MARCHF1: variants seen among roughly 807,000 people sequenced by gnomAD.
MARCHF1 encodes membrane associated ring-CH-type finger 1.
A neutral mutation model predicts 54.2 loss-of-function variants in MARCHF1; 40 were observed. The ratio of observed to expected loss-of-function variants is 0.74; its 90% CI spans 0.57 to 0.96. The LOEUF is 0.96. Among genes scored for constraint, MARCHF1 ranks in the 40% least tolerant of loss-of-function variants. MARCHF1 has a pLI of 0.00. For synonymous variants in MARCHF1, 236 were observed against 236.3 expected, an observed-to-expected ratio of 1.00 and a Z score of 0.01; for missense variants, 586 against 656.5, an observed-to-expected ratio of 0.89 and a Z score of 1.17.
intron 1 of MARCHF1, among the ~76,000 whole-genome samples, chr4:164,151,858 T>TTTA (rs1349468890): frequency 6.6e-6 from 1 of 152,182 alleles, no homozygotes; most frequent in East Asian, 1.9e-4. Flanking sequence ...ACTTCATGTG[T>TTTA]TTATAGAACT....
chr4:164,290,665 GAATA>G (rs1462607039), intron 1 of MARCHF1, among the ~76,000 whole-genome samples: 1 of 151,844 alleles, frequency 6.6e-6, no homozygotes, highest in Non-Finnish European at 1.5e-5. Flanking sequence ...TAAAATAAAT[GAATA>G]TTTAATTCAT....
intron 2 of MARCHF1, among the ~76,000 whole-genome samples, chr4:164,010,083 T>TTTTA (rs1753385530): frequency 6.7e-6 from 1 of 148,756 alleles, no homozygotes; most frequent in Non-Finnish European, 1.5e-5. Flanking sequence ...TTTTTTTTTT[T>TTTTA]TTAGGCGGAG....
At chr4:163,966,440 T>C (rs1463247566) in intron 3 of MARCHF1, among the ~76,000 whole-genome samples, 1 of 152,044 alleles carries the variant, frequency 6.6e-6, no homozygotes, top group Non-Finnish European at 1.5e-5. Flanking sequence ...CTAACATCAG[T>C]AAACATATAA....
chr4:164,045,263 T>C (rs1163596463), intron 2 of MARCHF1, among the ~76,000 whole-genome samples: 1 of 152,040 alleles, frequency 6.6e-6, no homozygotes, highest in African/African-American at 2.4e-5. Context: ...TGTAATACTT[T>C]CACTTTGGTA....
chr4:163,994,581 T>A (rs1183803827), intron 2 of MARCHF1, among the ~76,000 whole-genome samples: 1 of 151,576 alleles, frequency 6.6e-6, no homozygotes, highest in Non-Finnish European at 1.5e-5. Flanking sequence ...ATAATAACAT[T>A]TAAAAAAAAG....
intron 8 of MARCHF1, among the ~76,000 whole-genome samples, chr4:163,552,036 C>T (rs1223255690): frequency 6.6e-6 from 1 of 152,112 alleles, no homozygotes; most frequent in African/African-American, 2.4e-5. Flanking sequence ...ATATAATAGC[C>T]ATAAATGCTC....
chr4:164,235,886 A>G (rs1259639124), intron 1 of MARCHF1, among the ~76,000 whole-genome samples: 1 of 152,136 alleles, frequency 6.6e-6, no homozygotes, highest in Non-Finnish European at 1.5e-5. Context: ...CTTAAAAGCT[A>G]TTGAAATAAA....
Position 163,585,613 on chromosome 4 carries a change from T to C in MARCHF1, c.1191+136A>G, listed in dbSNP as rs939322100. 7 of 582,258 alleles carry C rather than the reference T, an allele frequency of 1.2e-5. No homozygotes were observed. The Admixed American group carries it at 2.3e-4, about 19-fold the overall frequency. The allele number at this position is 582,258 out of a possible 1,614,324, so 36.1% of individuals were successfully genotyped here. ...AAACACTTAGATAAATTTTGTGCAC[T>C]GAGCTCAACACAAGACACATACCCT... On this transcript the variant is annotated intron_variant, in intron 8 of 9. Coordinates refer to ENST00000514618, the MANE Select transcript of MARCHF1 (RefSeq NM_001394959.1).
intron 2 of MARCHF1, among the ~76,000 whole-genome samples, chr4:164,009,603 T>A (rs1337652697): frequency 6.6e-6 from 1 of 152,186 alleles, no homozygotes; most frequent in East Asian, 1.9e-4. Context: ...CATGATCAAG[T>A]GGGATTCATC....
intron 3 of MARCHF1, among the ~76,000 whole-genome samples, chr4:163,857,705 A>G (rs1386891008): frequency 1.3e-5 from 2 of 152,220 alleles, no homozygotes; most frequent in Non-Finnish European, 2.9e-5. Context: ...ACAAATTAAT[A>G]TTAGGAAAAA....
chr4:164,185,667 T>C (rs1011038471), intron 1 of MARCHF1, among the ~76,000 whole-genome samples: 1 of 152,078 alleles, frequency 6.6e-6, no homozygotes, highest in Non-Finnish European at 1.5e-5. Flanking sequence ...AGTTTGAAAG[T>C]AGACTTTTTT....
Position 164,140,720 on chromosome 4 carries a change from G to A in MARCHF1, c.-322-29058C>T, listed in dbSNP as rs900560629. ...TCTGTGCAGCAAGCAGCAGGACCTT[G>A]ATGGAACCCCCAGTGTTTTGGTAAC... On this transcript the variant is annotated intron_variant, in intron 1 of 9. Coordinates refer to ENST00000514618, the MANE Select transcript of MARCHF1 (RefSeq NM_001394959.1). 3.3e-5 allele frequency among the ~76,000 whole-genome samples: 5 copies of A among 151,600 alleles called. 1 individual carries two copies. In the East Asian group the frequency reaches 7.8e-4, roughly 24 times the overall value.
intron 5 of MARCHF1, among the ~76,000 whole-genome samples, chr4:163,618,678 AT>A (rs1235494433): frequency 2.6e-5 from 4 of 152,148 alleles, no homozygotes; most frequent in Non-Finnish European, 5.9e-5. Context: ...AATAAAATGA[AT>A]CCTAGCTTGT....
Position 163,801,772 on chromosome 4 carries a change from A to C in MARCHF1, c.111+52249T>G, listed in dbSNP as rs577096564. ...TAAAATTTCATACAAATAGAATAAC[A>C]ATAAACACACTTTGTGTATCTGGCT... On this transcript the variant is annotated intron_variant, in intron 4 of 9. Coordinates refer to ENST00000514618, the MANE Select transcript of MARCHF1 (RefSeq NM_001394959.1). 2.0e-5 allele frequency among the ~76,000 whole-genome samples: 3 copies of C among 152,230 alleles called. No individual in the cohort carries two copies. In the East Asian group the frequency reaches 5.8e-4, roughly 29 times the overall value.
intron 1 of MARCHF1, among the ~76,000 whole-genome samples, chr4:164,185,654 G>C (rs1730948453): frequency 6.6e-6 from 1 of 152,088 alleles, no homozygotes; most frequent in African/African-American, 2.4e-5. Flanking sequence ...ACAAACTCTG[G>C]AGAGTTTGAA....
chr4:163,700,858 T>G lies in MARCHF1; in HGVS notation c.117A>C (p.Glu39Asp), dbSNP rs1314954930. Residue 39 changes from glutamate to aspartate, a missense_variant, in exon 5 of 10, where the codon GAA (glutamate) becomes GAC (aspartate). Coordinates refer to ENST00000514618, the MANE Select transcript of MARCHF1 (RefSeq NM_001394959.1). ...ADASQTSTLN[E>D]KSPGRSASRS... is the part of the protein sequence containing the mutation. Reference sequence around the variant, plus strand: ...GACTTGCAGATCGCCCTGGGGATTTTTCATTCTGAAAAATAAAATGGGAAA... The same window carrying G: ...GACTTGCAGATCGCCCTGGGGATTTGTCATTCTGAAAAATAAAATGGGAAA... 1 of 1,535,472 alleles carries G rather than the reference T, an allele frequency of 6.5e-7. No individual in the cohort carries two copies. Among genetic ancestry groups the G allele is most frequent in the African/African-American group, 1.4e-5 (1 of 72,972 alleles).
chr4:163,750,340 T>C (rs1417705008), intron 4 of MARCHF1, among the ~76,000 whole-genome samples: 1 of 151,514 alleles, frequency 6.6e-6, no homozygotes, highest in Non-Finnish European at 1.5e-5. Context: ...TGAAACCCCA[T>C]CTCTAATAAA....
chr4:163,795,466 G>A (rs918695657), intron 4 of MARCHF1, among the ~76,000 whole-genome samples: 2 of 152,180 alleles, frequency 1.3e-5, no homozygotes, highest in African/African-American at 4.8e-5. Flanking sequence ...CCAGCCTCAG[G>A]CAATCCACCT....
At chr4:164,200,789 G>A (rs1375716832) in intron 1 of MARCHF1, among the ~76,000 whole-genome samples, 1 of 152,216 alleles carries the variant, frequency 6.6e-6, no homozygotes, top group East Asian at 1.9e-4. Flanking sequence ...GTGCTAGGAA[G>A]TGAAGAAAAC....
Sources: gnomAD v4.1 joint callset for allele counts (sites outside exome capture counted in the v4.1 genomes callset) on GRCh38, gnomAD v4.1.1 for gene constraint, MANE v1.5 for transcripts, NCBI Gene and HGNC (gene_info 2026-07-23, HGNC 2026-07-21) for gene names.